RRP1: variants seen among roughly 807,000 people sequenced by gnomAD.
RRP1 encodes ribosomal RNA processing 1.
A neutral mutation model predicts 54.6 loss-of-function variants in RRP1; 37 were observed. The observed-to-expected ratio is 0.68, with a 90% CI of 0.52 to 0.89. The LOEUF is 0.89. RRP1 is among the 40% of genes least tolerant of loss of function. RRP1 has a pLI of 0.00. For synonymous variants in RRP1, 262 were observed against 244.3 expected, an observed-to-expected ratio of 1.07 and a Z score of -0.67; for missense variants, 639 against 612.5, an observed-to-expected ratio of 1.04 and a Z score of -0.46.
intron 8 of RRP1, among the ~76,000 whole-genome samples, chr21:43,798,326 C>G (rs886826890): frequency 1.3e-5 from 2 of 152,256 alleles, no homozygotes; most frequent in South Asian, 4.1e-4. Flanking sequence ...CTCTCCGGAC[C>G]CCTGGGCTCC....
rs951252208 is a variant in RRP1, at chr21:43,797,776, C to T, written c.617+81C>T. 2.3e-5 allele frequency: 37 copies of T among 1,583,052 alleles called. 1 individual carries two copies. Among genetic ancestry groups the T allele is most frequent in the Non-Finnish European group, 3.1e-5 (36 of 1,154,490 alleles). Reference sequence around the variant, plus strand: ...GCTGCTGTTGTGGGGGTGCTGCTCCCTCGAGGGATGAATCTGTCTCAGAGT... The same window carrying T: ...GCTGCTGTTGTGGGGGTGCTGCTCCTTCGAGGGATGAATCTGTCTCAGAGT... On this transcript the variant is annotated intron_variant, in intron 7 of 12. Coordinates refer to ENST00000497547, the MANE Select transcript of RRP1 (RefSeq NM_003683.6).
chr21:43,796,441 T>TC (rs1277894216), intron 5 of RRP1, among the ~76,000 whole-genome samples: 1 of 152,252 alleles, frequency 6.6e-6, no homozygotes, highest in East Asian at 1.9e-4. Context: ...AACTGAGAAT[T>TC]CAGCACAGGA....
intron 3 of RRP1, 142 bp from the exon 4 acceptor site, chr21:43,793,177 T>C (rs2070536): frequency 0.068 from 48,520 of 718,644 alleles, 2,037 homozygotes; most frequent in South Asian, 0.15. Context: ...TCCAGCAAGA[T>C]CCAGTTCTGG....
chr21:43,794,849 CT>C (rs1250695515), intron 4 of RRP1, among the ~76,000 whole-genome samples: 2 of 152,364 alleles, frequency 1.3e-5, no homozygotes, highest in East Asian at 3.9e-4. Flanking sequence ...TTTCCTGGTT[CT>C]CCCTTATGAA....
In RRP1 at chr21:43,796,828, C is replaced by T. The variant is rs137874351; in HGVS notation, c.423-594C>T. On this transcript the variant is annotated intron_variant, in intron 5 of 12. Transcript: ENST00000497547. ...ATGCATGTAGGTGCTACACATTATTCTCTGGGGCTGTCTAGTCTTCAGATC... is the reference window on the plus strand; with the variant it reads ...ATGCATGTAGGTGCTACACATTATTTTCTGGGGCTGTCTAGTCTTCAGATC... 5.7e-4 allele frequency among the ~76,000 whole-genome samples: 87 copies of T among 152,338 alleles called. No homozygotes were observed. The East Asian group carries it at 0.013, about 24-fold the overall frequency.
At chr21:43,800,690 G>T (rs1252264150) in intron 10 of RRP1, 76 bp downstream of exon 10, 2 of 1,533,778 alleles carry the variant, frequency 1.3e-6, no homozygotes, top group African/African-American at 1.4e-5. Context: ...GGGTGCCTTT[G>T]CCTTGTCCTG....
chr21:43,800,466 C>A, intron 9 of RRP1, 51 bp from the exon 10 acceptor site: 1 of 1,568,988 alleles, frequency 6.4e-7, no homozygotes, highest in Non-Finnish European at 8.8e-7. Context: ...GTTCTCGGAG[C>A]ACGCAGAGCG....
intron 8 of RRP1, among the ~76,000 whole-genome samples, chr21:43,798,438 T>G (rs73224967): frequency 0.01 from 1,531 of 152,174 alleles, 11 homozygotes; most frequent in Middle Eastern, 0.017. Context: ...CCCATCACTC[T>G]CTGGGGCTGG....
At chr21:43,790,456 A>G (rs930585073) in intron 1 of RRP1, 1 of 153,650 alleles carries the variant, frequency 6.5e-6, no homozygotes, top group African/African-American at 2.4e-5. Context: ...CAGGACTGGC[A>G]TCTGCTTTAT....
At chr21:43,802,197 G>C in intron 11 of RRP1, 77 bp from the exon 12 acceptor site, 1 of 1,017,582 alleles carries the variant, frequency 9.8e-7, no homozygotes, top group Non-Finnish European at 1.5e-6. Flanking sequence ...GCTGGCTGGG[G>C]CCTGCTGGAA....
rs550307959 is a variant in RRP1, at chr21:43,795,867, C to T, written c.422+617C>T. 5.9e-5 allele frequency among the ~76,000 whole-genome samples: 9 copies of T among 152,282 alleles called. No individual in the cohort carries two copies. In the East Asian group the frequency reaches 1.4e-3, roughly 23 times the overall value. ...TCTAAAAATATGTAAATTGGCTGGG[C>T]GCGGTGGCTCACATCTGTAATCCCA... On this transcript the variant is annotated intron_variant, in intron 5 of 12. Coordinates refer to ENST00000497547, the MANE Select transcript of RRP1 (RefSeq NM_003683.6).
At position 43,797,969 on chromosome 21, in the gene RRP1, T is replaced by C; in HGVS notation, c.680T>C (p.Leu227Pro). Residue 227 changes from leucine (L) to proline (P), a missense_variant, in exon 8 of 13, where the codon CTT (leucine) becomes CCT (proline). Coordinates refer to ENST00000497547, the MANE Select transcript of RRP1 (RefSeq NM_003683.6). ...IFETIVEQAPLAIEDLLNELD... is the reference protein window; with the variant it reads ...IFETIVEQAPPAIEDLLNELD... ...GAGACGATTGTGGAGCAGGCCCCGC[T>C]TGCCATTGAAGACCTCCTGAATGAA... is the stretch of plus-strand genomic sequence containing the variant. The C allele has an allele frequency of 6.2e-7, 1 of 1,614,162 alleles. No individual in the cohort carries two copies. The highest frequency in any genetic ancestry group is 8.5e-7 in the Non-Finnish European group (1 of 1,180,008).
chr21:43,790,029 C>A (rs1307245283), intron 1 of RRP1, among the ~76,000 whole-genome samples: 1 of 152,366 alleles, frequency 6.6e-6, no homozygotes, highest in South Asian at 2.1e-4. Flanking sequence ...GGCGTCCCCT[C>A]CCTCCAGTAG....
rs1326368706 is a variant in RRP1, at chr21:43,794,448, C to T, written c.361-741C>T. Among the ~76,000 whole-genome samples, 7 of 152,284 alleles carry T rather than the reference C, an allele frequency of 4.6e-5. No individual in the cohort carries two copies. In the East Asian group the frequency reaches 5.8e-4, roughly 13 times the overall value. On this transcript the variant is annotated intron_variant, in intron 4 of 12. Coordinates refer to ENST00000497547, the MANE Select transcript of RRP1 (RefSeq NM_003683.6). ...CACAGCCTTGCGTCAGGGCTAGCCT[C>T]GGTGGCACCGCAGGGTGTTGTGGGG...
At chr21:43,792,202 G>A (rs143228986) in intron 2 of RRP1, among the ~76,000 whole-genome samples, 2 of 152,328 alleles carry the variant, frequency 1.3e-5, no homozygotes, top group East Asian at 3.9e-4. Flanking sequence ...TTATCAAGGG[G>A]AGGCTGTGAA....
rs138316483 is a variant in RRP1, at chr21:43,792,337, C to T, written c.217-335C>T. On this transcript the variant is annotated intron_variant, in intron 2 of 12. Transcript: ENST00000497547. ...AGGGGGCTGTGAGTCCCAAGGCTCC[C>T]TTCCGCTCTCCCACGTCCCTCTTTA... Among the ~76,000 whole-genome samples the T allele has an allele frequency of 1.3e-4, 20 of 152,320 alleles. 2 individuals carry two copies. Among genetic ancestry groups the T allele is most frequent in the Middle Eastern group, 3.4e-3 (1 of 294 alleles).
intron 5 of RRP1, 120 bp downstream of exon 5, chr21:43,795,370 C>T (rs572675231): frequency 9.8e-6 from 9 of 922,546 alleles, no homozygotes; most frequent in East Asian, 7.3e-5. Flanking sequence ...TGCCCCCAAT[C>T]GTGCTTAGAG....
intron 2 of RRP1, among the ~76,000 whole-genome samples, chr21:43,792,238 G>A (rs942659154): frequency 6.6e-6 from 1 of 152,230 alleles, no homozygotes; most frequent in African/African-American, 2.4e-5. Context: ...TATTCTGGGC[G>A]ATGGCTGGCA....
rs143451463 is a variant in RRP1 at position 43,790,628 on chromosome 21, G to A, written c.134-722G>A. 944 of 181,650 alleles carry A rather than the reference G, an allele frequency of 5.2e-3. 6 individuals carry two copies. The highest frequency in any genetic ancestry group is 8.5e-3 in the Non-Finnish European group (726 of 85,196). The allele number at this position is 181,650 out of a possible 1,614,324, so 11.3% of individuals were successfully genotyped here. A position where few individuals can be genotyped will look rare whatever the true frequency, so the allele number is the denominator to read the frequency against. On this transcript the variant is annotated intron_variant, in intron 1 of 12. Transcript: ENST00000497547. ...AGTGAGACAGACCTCACTGTCATCC[G>A]TGGTGGAGGAGTGCATTGGCACGAT...
Sources: gnomAD v4.1 joint callset for allele counts (sites outside exome capture counted in the v4.1 genomes callset) on GRCh38, gnomAD v4.1.1 for gene constraint, MANE v1.5 for transcripts, NCBI Gene and HGNC (gene_info 2026-07-23, HGNC 2026-07-21) for gene names.